The following ZEB1 variants were observed in gnomAD, a reference collection of about 807,000 sequenced individuals.
ZEB1 encodes zinc finger E-box binding homeobox 1.
Under a neutral mutation model 84.9 loss-of-function variants are expected in ZEB1, and 21 were observed. That is an observed-to-expected ratio of 0.25 (90% CI 0.18 to 0.36). The LOEUF (loss-of-function observed/expected upper bound fraction) is 0.36. Among genes scored for constraint, ZEB1 ranks in the 10% least tolerant of loss-of-function variants. The probability of loss-of-function intolerance (pLI) is 1.00; values close to 1 mark genes in which losing one functional copy is unlikely to be tolerated. For synonymous variants in ZEB1, 420 were observed against 471.1 expected (o/e 0.89, Z 1.41); for missense variants, 1,104 against 1,330.2 (o/e 0.83, Z 2.65).
At chr10:31,423,440 A>G (rs1381530254) in intron 1 of ZEB1, among the ~76,000 whole-genome samples, 2 of 152,172 alleles carry the variant, frequency 1.3e-5, no homozygotes, top group African/African-American at 2.4e-5. Context: ...TGGGACTTGC[A>G]TGTAATTTTT....
intron 1 of ZEB1, among the ~76,000 whole-genome samples, chr10:31,330,769 T>G (rs968598027): frequency 2.0e-5 from 3 of 152,160 alleles, no homozygotes; most frequent in Non-Finnish European, 4.4e-5. Flanking sequence ...TATTTATTTC[T>G]TTCATTTCTT....
chr10:31,355,548 T>G (rs1455895680), intron 1 of ZEB1, among the ~76,000 whole-genome samples: 2 of 152,120 alleles, frequency 1.3e-5, no homozygotes, highest in African/African-American at 4.8e-5. Flanking sequence ...CAGGCGGACT[T>G]AACCTGCTCT....
At chr10:31,344,052 A>G (rs962515527) in intron 1 of ZEB1, among the ~76,000 whole-genome samples, 2 of 151,962 alleles carry the variant, frequency 1.3e-5, no homozygotes, top group Admixed American at 1.3e-4. Flanking sequence ...TCTTCTCCAT[A>G]CTTTTTCTGA....
At position 31,397,161 on chromosome 10, in the gene ZEB1, TA is replaced by T. The variant is rs1473767057; in HGVS notation, c.59-63875del. Among the ~76,000 whole-genome samples the T allele has an allele frequency of 1.7e-4, 10 of 60,310 alleles. No homozygotes were observed. The South Asian group carries it at 2.1e-3, about 13-fold the overall frequency. The allele number at this position is 60,310 out of a possible 152,430, so 39.6% of individuals were successfully genotyped here. ...CCGAGAAGCTTCATCTTGGGTTTTT[TA>T]TTATTATTATTATTATTATTATTAT... On this transcript the variant is annotated intron_variant, in intron 1 of 8. Coordinates refer to ENST00000424869, the MANE Select transcript of ZEB1 (RefSeq NM_001174096.2).
intron 3 of ZEB1, among the ~76,000 whole-genome samples, chr10:31,497,287 CA>C (rs1176574629): frequency 6.6e-6 from 1 of 152,048 alleles, no homozygotes; most frequent in African/African-American, 2.4e-5. Context: ...CACAGGTTTA[CA>C]GTATTTTATC....
At chr10:31,458,323 GTGTGTGTGTGTGT>G (rs1480688371) in intron 1 of ZEB1, among the ~76,000 whole-genome samples, 2,395 of 125,750 alleles carry the variant, frequency 0.019, 49 homozygotes, top group African/African-American at 0.11. Flanking sequence ...GTGTGTGTGT[GTGTGTGTGTGTGT>G]TGTGTGTGTG....
intron 1 of ZEB1, among the ~76,000 whole-genome samples, chr10:31,355,405 A>G (rs2041954599): frequency 6.6e-6 from 1 of 152,238 alleles, no homozygotes; most frequent in Non-Finnish European, 1.5e-5. Context: ...GTGTTAAATG[A>G]TAGTGTAACA....
chr10:31,382,461 A>G (rs1268846577), intron 1 of ZEB1, among the ~76,000 whole-genome samples: 1 of 152,176 alleles, frequency 6.6e-6, no homozygotes, highest in Non-Finnish European at 1.5e-5. Context: ...ATCTGTTATC[A>G]TATACAGTAA....
chr10:31,431,838 G>C (rs1427077243), intron 1 of ZEB1, among the ~76,000 whole-genome samples: 1 of 152,160 alleles, frequency 6.6e-6, no homozygotes, highest in Non-Finnish European at 1.5e-5. Flanking sequence ...ATAACTAACA[G>C]ATAAAAGGAT....
At chr10:31,366,610 T>G (rs1334565574) in intron 1 of ZEB1, among the ~76,000 whole-genome samples, 1 of 152,236 alleles carries the variant, frequency 6.6e-6, no homozygotes, top group Non-Finnish European at 1.5e-5. Context: ...TCCTTTCCAG[T>G]GTTGGCAAAT....
chr10:31,335,178 G>A (rs996853226), intron 1 of ZEB1, among the ~76,000 whole-genome samples: 3 of 152,010 alleles, frequency 2.0e-5, no homozygotes, highest in African/African-American at 7.2e-5. Flanking sequence ...GAAAATTCAA[G>A]AAATAAAAAT....
chr10:31,393,153 T>C (rs2050087046), intron 1 of ZEB1, among the ~76,000 whole-genome samples: 1 of 152,208 alleles, frequency 6.6e-6, no homozygotes, highest in African/African-American at 2.4e-5. Context: ...TATTTATATT[T>C]TTTATTTAAA....
At chr10:31,399,544 A>T (rs571417672) in intron 1 of ZEB1, among the ~76,000 whole-genome samples, 1 of 151,976 alleles carries the variant, frequency 6.6e-6, no homozygotes, top group African/African-American at 2.4e-5. Flanking sequence ...TACCATCTCT[A>T]CTCCTACAAC....
intron 1 of ZEB1, among the ~76,000 whole-genome samples, chr10:31,438,885 C>A (rs901688937): frequency 6.6e-6 from 1 of 152,114 alleles, no homozygotes; most frequent in Admixed American, 6.5e-5. Flanking sequence ...CATATACATA[C>A]GTACATACAT....
At chr10:31,500,599 A>G (rs982248350) in intron 3 of ZEB1, among the ~76,000 whole-genome samples, 14 of 152,314 alleles carry the variant, frequency 9.2e-5, no homozygotes, top group Non-Finnish European at 1.6e-4. Context: ...CGGTATTTTG[A>G]ACTTTACTCC....
At chr10:31,461,262 A>T (rs1239342897) in intron 2 of ZEB1, 25 bp downstream of exon 2, 2 of 1,585,552 alleles carry the variant, frequency 1.3e-6, no homozygotes, top group Non-Finnish European at 1.7e-6. Context: ...TTTTTGTAAT[A>T]TTGTATTCTC....
At chr10:31,420,020 A>G (rs924646523) in intron 1 of ZEB1, among the ~76,000 whole-genome samples, 1 of 151,896 alleles carries the variant, frequency 6.6e-6, no homozygotes, top group African/African-American at 2.4e-5. Flanking sequence ...ATTTAATTAC[A>G]TTTTCTCCTA....
rs144534878 is a variant in ZEB1 at position 31,454,005 on chromosome 10, C to G, written c.59-7032C>G. ...CCCTGATGAACATCGATGTGAAAATCCTCAATAAAATACTGGCAAACTAAA... is the reference window on the plus strand; with the variant it reads ...CCCTGATGAACATCGATGTGAAAATGCTCAATAAAATACTGGCAAACTAAA... On this transcript the variant is annotated intron_variant, in intron 1 of 8. Transcript: ENST00000424869. Among the ~76,000 whole-genome samples the G allele has an allele frequency of 8.4e-3, 1,283 of 152,216 alleles. 22 individuals are homozygous for G. Among genetic ancestry groups the G allele is most frequent in the African/African-American group, 0.027 (1,121 of 41,532 alleles).
chr10:31,436,000 A>G (rs1355850719), intron 1 of ZEB1, among the ~76,000 whole-genome samples: 1 of 152,156 alleles, frequency 6.6e-6, no homozygotes, highest in Non-Finnish European at 1.5e-5. Context: ...TTGCCCCTAG[A>G]GAAGAGGAAG....
Sources: allele counts gnomAD v4.1 joint callset (sites outside exome capture counted in the v4.1 genomes callset), GRCh38; gene constraint gnomAD v4.1.1; transcripts MANE v1.5; gene names NCBI Gene and HGNC (gene_info 2026-07-23, HGNC 2026-07-21).